The following GRM8 variants were observed in gnomAD, a reference collection of about 807,000 sequenced individuals.
The protein encoded by GRM8 is metabotropic glutamate receptor 8.
GRM8 carries 47 observed loss-of-function variants against 87.2 expected under a neutral mutation model. That is an observed-to-expected ratio of 0.54 (90% CI 0.43 to 0.69). The LOEUF (loss-of-function observed/expected upper bound fraction) is 0.69, where lower values mean the gene tolerates loss of function less well. GRM8 is among the 30% of genes least tolerant of loss of function. GRM8 has a pLI of 0.00. For missense variants in GRM8, 1,019 were observed against 1,139.2 expected (o/e 0.89, Z 1.52); for synonymous variants, 396 against 404.5 (o/e 0.98, Z 0.25).
chr7:126,989,950 CA>C (rs11440450), intron 3 of GRM8, among the ~76,000 whole-genome samples: 18 of 146,986 alleles, frequency 1.2e-4, no homozygotes, highest in Admixed American at 6.1e-4. Context: ...GACCCTGACT[CA>C]AAAAAAAAAT....
chr7:126,760,215 A>C (rs1817452874), intron 7 of GRM8, among the ~76,000 whole-genome samples: 1 of 152,166 alleles, frequency 6.6e-6, no homozygotes, highest in Non-Finnish European at 1.5e-5. Context: ...GATGAAGAAG[A>C]CCAGGAATTA....
At chr7:126,948,184 A>G (rs1036780148) in intron 3 of GRM8, among the ~76,000 whole-genome samples, 3 of 152,230 alleles carry the variant, frequency 2.0e-5, no homozygotes, top group African/African-American at 4.8e-5. Flanking sequence ...CTTGTCACAC[A>G]TGATTAGACA....
chr7:126,639,870 G>A (rs1585323099), intron 7 of GRM8, among the ~76,000 whole-genome samples: 1 of 152,186 alleles, frequency 6.6e-6, no homozygotes, highest in African/African-American at 2.4e-5. Flanking sequence ...GTTGGATGAT[G>A]TGAAGAATCA....
At chr7:126,612,850 A>G (rs1001157843) in intron 7 of GRM8, among the ~76,000 whole-genome samples, 1 of 152,226 alleles carries the variant, frequency 6.6e-6, no homozygotes, top group Non-Finnish European at 1.5e-5. Flanking sequence ...CTTCATGTAT[A>G]TTTTCTGTCA....
intron 3 of GRM8, among the ~76,000 whole-genome samples, chr7:127,034,932 A>G (rs774338154): frequency 3.3e-5 from 5 of 152,178 alleles, no homozygotes; most frequent in Non-Finnish European, 7.4e-5. Flanking sequence ...CATGAAAAAA[A>G]ATATCTGCAG....
chr7:126,862,821 T>C (rs1407554812), intron 6 of GRM8, among the ~76,000 whole-genome samples: 1 of 152,138 alleles, frequency 6.6e-6, no homozygotes, highest in South Asian at 2.1e-4. Flanking sequence ...TTATTTCTCA[T>C]ATTGCCTGTA....
chr7:126,885,358 G>C (rs907629678), intron 6 of GRM8, among the ~76,000 whole-genome samples: 5 of 152,104 alleles, frequency 3.3e-5, no homozygotes, highest in African/African-American at 1.2e-4. Flanking sequence ...CTTTCTTCAG[G>C]TAAGAAGTAT....
At chr7:126,551,192 T>C (rs1304169451) in intron 8 of GRM8, among the ~76,000 whole-genome samples, 1 of 152,162 alleles carries the variant, frequency 6.6e-6, no homozygotes, top group Non-Finnish European at 1.5e-5. Flanking sequence ...TTATGTCCCC[T>C]GTACCATCTT....
In GRM8 at chr7:126,456,519, TAAAAAAAA is replaced by T. The variant is rs513; in HGVS notation, c.2431-10155_2431-10148del. ...TCCTAAGTGTAAGAAAGCAGCAAGCTAAAAAAAAAAAAAAAAAAAAAAAAAAATCAAAC... is the reference window on the plus strand; with the variant it reads ...TCCTAAGTGTAAGAAAGCAGCAAGCTAAAAAAAAAAAAAAAAAAATCAAAC... On this transcript the variant is annotated intron_variant, in intron 9 of 10. Transcript: ENST00000339582. 3.9e-4 allele frequency among the ~76,000 whole-genome samples: 27 copies of T among 69,696 alleles called. 1 individual carries two copies. The highest frequency in any genetic ancestry group is 1.3e-3 in the South Asian group (3 of 2,300). 45.7% of individuals were successfully genotyped at this position (69,696 alleles called of 152,430 possible).
chr7:126,740,027 G>A (rs971907836), intron 7 of GRM8, among the ~76,000 whole-genome samples: 3 of 151,990 alleles, frequency 2.0e-5, no homozygotes, highest in Non-Finnish European at 2.9e-5. Flanking sequence ...ACATTTCTCA[G>A]AACATGCCCC....
intron 3 of GRM8, among the ~76,000 whole-genome samples, chr7:127,009,076 T>G (rs1466568563): frequency 6.6e-6 from 1 of 152,016 alleles, no homozygotes; most frequent in Non-Finnish European, 1.5e-5. Flanking sequence ...TGATCCAGTT[T>G]TTTTTTTTTC....
chr7:126,615,763 C>A (rs1799423188), intron 7 of GRM8, among the ~76,000 whole-genome samples: 1 of 152,010 alleles, frequency 6.6e-6, no homozygotes, highest in Non-Finnish European at 1.5e-5. Context: ...CAACAAAGAT[C>A]AAAAGAGACA....
chr7:127,199,086 C>T (rs2116542361), intron 2 of GRM8, among the ~76,000 whole-genome samples: 1 of 152,216 alleles, frequency 6.6e-6, no homozygotes, highest in East Asian at 1.9e-4. Context: ...GGTGATCCAT[C>T]TGCCTCAGCC....
intron 7 of GRM8, among the ~76,000 whole-genome samples, chr7:126,682,029 C>A (rs1351131267): frequency 6.6e-6 from 1 of 152,100 alleles, no homozygotes; most frequent in Non-Finnish European, 1.5e-5. Context: ...TATAAAAAGT[C>A]TCATTCAAAG....
Position 126,499,319 on chromosome 7 carries a change from C to A in GRM8, c.2430+33633G>T, listed in dbSNP as rs182418814. On this transcript the variant is annotated intron_variant, in intron 9 of 10. Transcript: ENST00000339582. ...AAAGATGAAAGAGCTTAAATGTTGG[C>A]AAGGATGTGTAGAAAAGGAAACCCT... is the stretch of plus-strand genomic sequence containing the variant. 1.4e-4 allele frequency among the ~76,000 whole-genome samples: 21 copies of A among 150,208 alleles called. No homozygotes were observed. In the East Asian group the frequency reaches 3.9e-3, roughly 28 times the overall value.
intron 9 of GRM8, among the ~76,000 whole-genome samples, chr7:126,516,077 C>G (rs1812120194): frequency 6.6e-6 from 1 of 151,956 alleles, no homozygotes; most frequent in African/African-American, 2.4e-5. Context: ...TTATTAAATT[C>G]TTATAGCAAG....
chr7:126,585,529 C>T (rs866968805), intron 8 of GRM8, among the ~76,000 whole-genome samples: 6 of 151,926 alleles, frequency 3.9e-5, no homozygotes, highest in South Asian at 2.1e-4. Context: ...AAAAATTGAA[C>T]GCAAATCAAT....
At chr7:126,519,760 A>T (rs1399360278) in intron 9 of GRM8, among the ~76,000 whole-genome samples, 1 of 152,154 alleles carries the variant, frequency 6.6e-6, no homozygotes. Flanking sequence ...GTCACTTTCG[A>T]GTACAGTGAT....
rs146810399 is a variant in GRM8, at chr7:126,482,291, C to T, written c.2431-35919G>A. On this transcript the variant is annotated intron_variant, in intron 9 of 10. Transcript: ENST00000339582. ...GAATTACTATATAACCCAGCAATTC[C>T]ACTTCTGGATATATGCCACAAAGTA... 3.3e-5 allele frequency among the ~76,000 whole-genome samples: 5 copies of T among 152,082 alleles called. No individual in the cohort carries two copies. The East Asian group carries it at 7.8e-4, about 24-fold the overall frequency.
Sources: allele counts gnomAD v4.1 joint callset (sites outside exome capture counted in the v4.1 genomes callset), GRCh38; gene constraint gnomAD v4.1.1; transcripts MANE v1.5; gene names NCBI Gene and HGNC (gene_info 2026-07-23, HGNC 2026-07-21).